The following ULK4 variants were observed in gnomAD, a reference collection of about 807,000 sequenced individuals.
ULK4 encodes unc-51 like kinase 4.
In ULK4, 133 loss-of-function variants were observed where a neutral mutation model predicts 160.6. The ratio of observed to expected loss-of-function variants is 0.83; its 90% confidence interval spans 0.72 to 0.96. ULK4 has a LOEUF of 0.96. Ranked by LOEUF, ULK4 falls within the 40% of genes least tolerant of loss-of-function variation. ULK4 has a pLI of 0.00. For synonymous variants in ULK4, 534 were observed against 539.8 expected (o/e 0.99, Z 0.15); for missense variants, 1,580 against 1,499.5 (o/e 1.05, Z -0.89).
At chr3:41,852,662 C>A (rs1575828542) in intron 17 of ULK4, among the ~76,000 whole-genome samples, 1 of 151,998 alleles carries the variant, frequency 6.6e-6, no homozygotes, top group Non-Finnish European at 1.5e-5. Context: ...CAACAGAGAA[C>A]AAATAGAAAC....
chr3:41,721,743 A>G (rs940105133), intron 22 of ULK4, among the ~76,000 whole-genome samples: 2 of 151,914 alleles, frequency 1.3e-5, no homozygotes, highest in East Asian at 1.9e-4. Context: ...ATAATGCTCA[A>G]TTTCCCAGGA....
Position 41,760,228 on chromosome 3 carries a change from G to T in ULK4, c.2194-5740C>A, listed in dbSNP as rs372220903. Among the ~76,000 whole-genome samples, 10 of 152,212 alleles carry T rather than the reference G, an allele frequency of 6.6e-5. No homozygotes were observed. The South Asian group carries it at 2.1e-3, about 32-fold the overall frequency. On this transcript the variant is annotated intron_variant, in intron 21 of 36. Coordinates refer to ENST00000301831, the MANE Select transcript of ULK4 (RefSeq NM_017886.4). ...GTAGTGCAAATTAAAATCATACTGA[G>T]ATATAACTATGAGCTTATTAGAATG...
intron 19 of ULK4, among the ~76,000 whole-genome samples, chr3:41,817,731 G>GT (rs945881137): frequency 6.6e-6 from 1 of 152,124 alleles, no homozygotes; most frequent in African/African-American, 2.4e-5. Flanking sequence ...ATATACCCAT[G>GT]TAACAAACCT....
chr3:41,840,745 C>T (rs757895278), intron 17 of ULK4, among the ~76,000 whole-genome samples: 141 of 152,350 alleles, frequency 9.3e-4, no homozygotes, highest in Admixed American at 2.0e-3. Context: ...TTCCAGCCGC[C>T]TGCCTTGGCC....
intron 19 of ULK4, among the ~76,000 whole-genome samples, chr3:41,803,536 C>A (rs1263398083): frequency 6.6e-6 from 1 of 151,972 alleles, no homozygotes; most frequent in Non-Finnish European, 1.5e-5. Flanking sequence ...GCACAATGTG[C>A]AGGTTAGTTA....
chr3:41,327,576 C>T (rs10510718), intron 35 of ULK4, among the ~76,000 whole-genome samples: 6,755 of 152,122 alleles, frequency 0.044, 212 homozygotes, highest in East Asian at 0.12. Flanking sequence ...TAGAATAGGC[C>T]GGTAGTCACC....
chr3:41,425,217 C>G (rs1012742686), intron 34 of ULK4, among the ~76,000 whole-genome samples: 11 of 151,894 alleles, frequency 7.2e-5, no homozygotes, highest in African/African-American at 2.7e-4. Flanking sequence ...GACTATATTG[C>G]TGAAATAAGA....
intron 32 of ULK4, among the ~76,000 whole-genome samples, chr3:41,478,198 C>T (rs1037177583): frequency 6.6e-6 from 1 of 152,172 alleles, no homozygotes; most frequent in Non-Finnish European, 1.5e-5. Context: ...ACACATTTAG[C>T]TCAATGAGTA....
At chr3:41,433,939 G>T (rs192300315) in intron 34 of ULK4, among the ~76,000 whole-genome samples, 71 of 152,218 alleles carry the variant, frequency 4.7e-4, no homozygotes, top group Non-Finnish European at 8.2e-4. Flanking sequence ...AGTCAGGATG[G>T]TCTCAATCTC....
rs552608663 is a variant in ULK4, at chr3:41,773,834, A to T, written c.2193+15827T>A. Among the ~76,000 whole-genome samples the T allele has an allele frequency of 1.2e-3, 181 of 152,334 alleles. 8 individuals are homozygous for T. In the South Asian group the frequency reaches 0.036, roughly 30 times the overall value. ...TGACTTCAAACTATACTACAAGGCT[A>T]CGGTAACCAAAACAGCATGGTACTG... On this transcript the variant is annotated intron_variant, in intron 21 of 36. Coordinates refer to ENST00000301831, the MANE Select transcript of ULK4 (RefSeq NM_017886.4).
At chr3:41,603,684 G>C (rs1466102326) in intron 31 of ULK4, among the ~76,000 whole-genome samples, 1 of 151,978 alleles carries the variant, frequency 6.6e-6, no homozygotes, top group Non-Finnish European at 1.5e-5. Flanking sequence ...TTCTGGTATA[G>C]ATATTGTACT....
intron 21 of ULK4, among the ~76,000 whole-genome samples, chr3:41,771,096 G>A (rs2039347286): frequency 6.6e-6 from 1 of 152,028 alleles, no homozygotes; most frequent in Non-Finnish European, 1.5e-5. Context: ...TAATAATACG[G>A]CTTACCATAA....
intron 32 of ULK4, among the ~76,000 whole-genome samples, chr3:41,536,487 C>T (rs2086503773): frequency 1.3e-5 from 2 of 152,074 alleles, no homozygotes; most frequent in Admixed American, 6.6e-5. Context: ...CTTTTGACTC[C>T]CCCAAAACTT....
intron 30 of ULK4, among the ~76,000 whole-genome samples, chr3:41,653,376 C>G (rs769490184): frequency 8.5e-5 from 13 of 152,316 alleles, no homozygotes; most frequent in Non-Finnish European, 1.3e-4. Context: ...TCCTCTGCCC[C>G]CTGACTGGCC....
chr3:41,853,646 A>T (rs937416393), intron 17 of ULK4, among the ~76,000 whole-genome samples: 3 of 152,236 alleles, frequency 2.0e-5, no homozygotes, highest in Non-Finnish European at 4.4e-5. Flanking sequence ...GCCCACTGAC[A>T]GCCAGATGCT....
At chr3:41,408,203 C>G (rs1008173347) in intron 34 of ULK4, among the ~76,000 whole-genome samples, 1 of 151,318 alleles carries the variant, frequency 6.6e-6, no homozygotes, top group Non-Finnish European at 1.5e-5. Context: ...CCGAGGTGGG[C>G]GGATCACGAG....
At chr3:41,306,920 T>TGC (rs2079953414) in intron 35 of ULK4, among the ~76,000 whole-genome samples, 2 of 151,512 alleles carry the variant, frequency 1.3e-5, no homozygotes, top group South Asian at 4.2e-4. Context: ...GTGCAAGATG[T>TGC]GCTTTGTTAA....
intron 32 of ULK4, among the ~76,000 whole-genome samples, chr3:41,557,746 C>A (rs193265139): frequency 9.9e-5 from 15 of 151,860 alleles, no homozygotes; most frequent in Non-Finnish European, 2.1e-4. Context: ...GCCTGGGTAA[C>A]ACAAGGAGAC....
intron 35 of ULK4, among the ~76,000 whole-genome samples, chr3:41,374,146 C>T (rs367891774): frequency 7.9e-5 from 12 of 152,072 alleles, no homozygotes; most frequent in African/African-American, 2.6e-4. Context: ...CAGTAATTAA[C>T]AGCATTCCAA....
Sources: allele counts gnomAD v4.1 joint callset (sites outside exome capture counted in the v4.1 genomes callset), GRCh38; gene constraint gnomAD v4.1.1; transcripts MANE v1.5; gene names NCBI Gene and HGNC (gene_info 2026-07-23, HGNC 2026-07-21).